The following COX16 variants were observed in gnomAD, a reference collection of about 807,000 sequenced individuals.
COX16 encodes cytochrome c oxidase assembly factor COX16, also known as cytochrome c oxidase assembly protein COX16 homolog, mitochondrial.
In COX16, 12 loss-of-function variants were observed where a neutral mutation model predicts 15.4. The ratio of observed to expected loss-of-function variants is 0.78; its 90% CI spans 0.50 to 1.26. The LOEUF is 1.26. Among genes scored for constraint, COX16 ranks in the 50% most tolerant of loss-of-function variants. The pLI is 0.00. For synonymous variants in COX16, 46 were observed against 41.1 expected (o/e 1.12, Z -0.46); for missense variants, 124 against 127.6 (o/e 0.97, Z 0.14).
At chr14:70,351,892 T>G (rs1886967173) in intron 1 of COX16, among the ~76,000 whole-genome samples, 1 of 152,166 alleles carries the variant, frequency 6.6e-6, no homozygotes, top group African/African-American at 2.4e-5. Flanking sequence ...ACAAGTATAT[T>G]TATATAAAAA....
chr14:70,336,439 T>C (rs960214962), intron 2 of COX16, among the ~76,000 whole-genome samples: 2 of 152,208 alleles, frequency 1.3e-5, no homozygotes, highest in Non-Finnish European at 1.5e-5. Flanking sequence ...TTTATGATAA[T>C]TTATTAAATT....
intron 2 of COX16, among the ~76,000 whole-genome samples, chr14:70,335,510 C>G (rs1282138987): frequency 6.7e-6 from 1 of 148,272 alleles, no homozygotes; most frequent in Non-Finnish European, 1.5e-5. Context: ...CTGACCAAAA[C>G]AGAATAAAAA....
rs191055273 is a variant in COX16 at position 70,327,555 on chromosome 14, T to C, written c.205-1106A>G. Among the ~76,000 whole-genome samples, 9 of 152,222 alleles carry C rather than the reference T, an allele frequency of 5.9e-5. No homozygotes were observed. In the East Asian group the frequency reaches 1.5e-3, roughly 26 times the overall value. On this transcript the variant is annotated intron_variant, in intron 3 of 3. Coordinates refer to ENST00000389912, the MANE Select transcript of COX16 (RefSeq NM_016468.7). ...CTTATAGTTTTACCAGGAGTCTGTA[T>C]TACATATATACATGAAGGAACAAAA...
At chr14:70,329,912 T>A (rs1018759414) in intron 2 of COX16, among the ~76,000 whole-genome samples, 1 of 151,892 alleles carries the variant, frequency 6.6e-6, no homozygotes, top group East Asian at 1.9e-4. Flanking sequence ...TTCACTGGAA[T>A]AATGCATGAA....
chr14:70,358,955 T>C (rs1887213277), intron 1 of COX16, among the ~76,000 whole-genome samples: 1 of 152,214 alleles, frequency 6.6e-6, no homozygotes, highest in Non-Finnish European at 1.5e-5. Flanking sequence ...GGCTACAATG[T>C]GGCAGGCACC....
In COX16 at chr14:70,342,396, G is replaced by A. The variant is rs564833905; in HGVS notation, c.141+262C>T. On this transcript the variant is annotated intron_variant, in intron 2 of 3. Transcript: ENST00000389912. ...GGGAGGCAGAGGTTGCAGTGAACCA[G>A]GATAGGCCACTGCACTCCAGTCTGA... Among the ~76,000 whole-genome samples, 14 of 152,256 alleles carry A rather than the reference G, an allele frequency of 9.2e-5. No individual in the cohort carries two copies. In the South Asian group the frequency reaches 2.9e-3, roughly 32 times the overall value.
chr14:70,355,269 A>G (rs569485538), intron 1 of COX16, among the ~76,000 whole-genome samples: 115 of 152,190 alleles, frequency 7.6e-4, no homozygotes, highest in South Asian at 4.0e-3. Context: ...ATTTCATACA[A>G]TTGATCACAC....
intron 1 of COX16, among the ~76,000 whole-genome samples, chr14:70,358,382 T>A (rs996160043): frequency 1.5e-3 from 218 of 146,492 alleles, no homozygotes; most frequent in East Asian, 0.012. Flanking sequence ...TTTTTTTTTT[T>A]TTTTTTTTTT....
At chr14:70,334,814 G>GA (rs1301741405) in intron 2 of COX16, among the ~76,000 whole-genome samples, 1 of 152,122 alleles carries the variant, frequency 6.6e-6, no homozygotes, top group East Asian at 1.9e-4. Context: ...TACACAACTA[G>GA]AAAACAAGCA....
chr14:70,339,908 C>T (rs890999357), intron 2 of COX16, among the ~76,000 whole-genome samples: 2 of 152,170 alleles, frequency 1.3e-5, no homozygotes, highest in African/African-American at 2.4e-5. Context: ...CTTTTAACCT[C>T]ATTCCCTTGA....
intron 2 of COX16, among the ~76,000 whole-genome samples, chr14:70,335,740 CAGA>C (rs1268882373): frequency 1.3e-5 from 2 of 152,014 alleles, no homozygotes; most frequent in Admixed American, 1.3e-4. Flanking sequence ...TGAGTAAATG[CAGA>C]AGTTCAAATT....
At chr14:70,334,686 C>A (rs1404752015) in intron 2 of COX16, among the ~76,000 whole-genome samples, 1 of 152,008 alleles carries the variant, frequency 6.6e-6, no homozygotes, top group African/African-American at 2.4e-5. Flanking sequence ...CTTGAGGTAA[C>A]TGCAAAGCAA....
At chr14:70,350,251 G>C (rs570576573) in intron 1 of COX16, among the ~76,000 whole-genome samples, 5 of 152,290 alleles carry the variant, frequency 3.3e-5, no homozygotes, top group Non-Finnish European at 5.9e-5. Context: ...ACACACCCCT[G>C]AAGACCCAGA....
intron 2 of COX16, among the ~76,000 whole-genome samples, chr14:70,338,384 T>C (rs1886522517): frequency 6.6e-6 from 1 of 152,216 alleles, no homozygotes; most frequent in South Asian, 2.1e-4. Context: ...AGTGCTGGGA[T>C]TAACACATGT....
At chr14:70,344,711 G>T (rs1422820491) in intron 1 of COX16, among the ~76,000 whole-genome samples, 1 of 152,102 alleles carries the variant, frequency 6.6e-6, no homozygotes, top group Admixed American at 6.5e-5. Context: ...CCCTTCTCAG[G>T]CCCAGTCCCA....
intron 1 of COX16, among the ~76,000 whole-genome samples, chr14:70,346,945 C>T (rs1213548692): frequency 6.6e-6 from 1 of 152,108 alleles, no homozygotes; most frequent in Non-Finnish European, 1.5e-5. Context: ...CCAGACCCCT[C>T]GGGGCATCTA....
At chr14:70,353,090 A>G (rs1255850506) in intron 1 of COX16, among the ~76,000 whole-genome samples, 1 of 151,808 alleles carries the variant, frequency 6.6e-6, no homozygotes, top group Non-Finnish European at 1.5e-5. Flanking sequence ...GTGAAACCCC[A>G]TCTCTCCTAA....
chr14:70,341,122 T>C (rs1288894645), intron 2 of COX16, among the ~76,000 whole-genome samples: 1 of 152,176 alleles, frequency 6.6e-6, no homozygotes, highest in Non-Finnish European at 1.5e-5. Context: ...CTACCATAAT[T>C]TTCATCTTAA....
chr14:70,358,771 C>T (rs1413354077), intron 1 of COX16, among the ~76,000 whole-genome samples: 2 of 152,074 alleles, frequency 1.3e-5, no homozygotes, highest in African/African-American at 4.8e-5. Context: ...ATAACTGGCC[C>T]GTAATCAAAA....
Sources: allele counts gnomAD v4.1 joint callset (sites outside exome capture counted in the v4.1 genomes callset), GRCh38; gene constraint gnomAD v4.1.1; transcripts MANE v1.5; gene names NCBI Gene and HGNC (gene_info 2026-07-23, HGNC 2026-07-21).